Variants in AK5 observed in about 807,000 individuals in gnomAD.
The protein encoded by AK5 is adenylate kinase isoenzyme 5.
Under a neutral mutation model 69.5 loss-of-function variants are expected in AK5, and 27 were observed. The ratio of observed to expected loss-of-function variants is 0.39; its 90% confidence interval spans 0.29 to 0.54. The LOEUF (loss-of-function observed/expected upper bound fraction) is 0.54. AK5 is among the 20% of genes least tolerant of loss of function. The pLI is 0.71. For synonymous variants in AK5, 260 were observed against 244.4 expected, an observed-to-expected ratio of 1.06 and a Z score of -0.60; for missense variants, 531 against 700.4, an observed-to-expected ratio of 0.76 and a Z score of 2.73.
chr1:77,476,551 A>G (rs1402423172), intron 8 of AK5, among the ~76,000 whole-genome samples: 1 of 152,160 alleles, frequency 6.6e-6, no homozygotes, highest in Admixed American at 6.5e-5. Flanking sequence ...CTTCGTTTCT[A>G]TTCATATGAC....
chr1:77,551,453 A>G (rs775786710), intron 13 of AK5, among the ~76,000 whole-genome samples: 25 of 152,212 alleles, frequency 1.6e-4, no homozygotes, highest in Admixed American at 2.0e-4. Context: ...GCACTACAGT[A>G]CATGACTCTG....
intron 8 of AK5, among the ~76,000 whole-genome samples, chr1:77,452,772 CA>C (rs1653236060): frequency 6.6e-6 from 1 of 152,164 alleles, no homozygotes; most frequent in African/African-American, 2.4e-5. Context: ...CTTCTAGAAA[CA>C]ACAATATTAT....
chr1:77,467,509 T>C (rs2100688430), intron 8 of AK5, among the ~76,000 whole-genome samples: 1 of 152,356 alleles, frequency 6.6e-6, no homozygotes, highest in South Asian at 2.1e-4. Context: ...AAAAACTGTT[T>C]TGAGCATAAA....
chr1:77,350,354 C>T (rs1375254371), intron 6 of AK5, among the ~76,000 whole-genome samples: 2 of 152,116 alleles, frequency 1.3e-5, no homozygotes, highest in Non-Finnish European at 2.9e-5. Flanking sequence ...TAAGCAGACA[C>T]GTGTAGAACA....
intron 6 of AK5, among the ~76,000 whole-genome samples, chr1:77,374,520 A>G (rs1367938500): frequency 2.0e-5 from 3 of 149,174 alleles, no homozygotes; most frequent in Non-Finnish European, 4.4e-5. Context: ...CTCTTCTTCT[A>G]TAAGTACGAC....
At position 77,541,658 on chromosome 1, in the gene AK5, C is replaced by T. The variant is rs374210535; in HGVS notation, c.1620+5620C>T. 3.3e-5 allele frequency among the ~76,000 whole-genome samples: 5 copies of T among 152,284 alleles called. No homozygotes were observed. In the South Asian group the frequency reaches 1.0e-3, roughly 32 times the overall value. On this transcript the variant is annotated intron_variant, in intron 13 of 13. Coordinates refer to ENST00000354567, the MANE Select transcript of AK5 (RefSeq NM_174858.3). ...AGACTCAAGGCTGAGGCACAGCAGGCCCTAGAAGGCGTGTGGGATCAGGCC... is the reference window on the plus strand; with the variant it reads ...AGACTCAAGGCTGAGGCACAGCAGGTCCTAGAAGGCGTGTGGGATCAGGCC...
chr1:77,414,291 C>A (rs557144919), intron 7 of AK5, among the ~76,000 whole-genome samples: 2 of 152,230 alleles, frequency 1.3e-5, no homozygotes, highest in East Asian at 3.9e-4. Context: ...AGGGACAGGA[C>A]AAGGGAGAAA....
chr1:77,490,898 C>A (rs1392606749), intron 10 of AK5, among the ~76,000 whole-genome samples: 1 of 151,082 alleles, frequency 6.6e-6, no homozygotes, highest in African/African-American at 2.4e-5. Flanking sequence ...GTGACATAAT[C>A]TAAATTCCTA....
chr1:77,297,633 G>A lies in AK5; in HGVS notation c.490G>A (p.Gly164Arg). 1 of 1,613,880 alleles carries A rather than the reference G, an allele frequency of 6.2e-7. No homozygotes were observed. Among genetic ancestry groups the A allele is most frequent in the Non-Finnish European group, 8.5e-7 (1 of 1,179,914 alleles). Residue 164 changes from glycine (G) to arginine (R), a missense_variant, in exon 4 of 14, where the codon GGA (glycine) becomes AGA (arginine). Transcript: ENST00000354567. ...ATATGGATTCCAATACATTTCTGTG[G>A]GAGAATTATTAAGAAAGAAGATCCA... ...ERYGFQYISVGELLRKKIHST... is the reference protein window; with the variant it reads ...ERYGFQYISVRELLRKKIHST...
In AK5 at chr1:77,531,615, G is replaced by A. The variant is rs562452292; in HGVS notation, c.1429-4232G>A. ...GTTTACAAACCTTGAGCTAGATACA[G>A]AGTGCCGATTGGTGTATTTACAATC... On this transcript the variant is annotated intron_variant, in intron 12 of 13. Coordinates refer to ENST00000354567, the MANE Select transcript of AK5 (RefSeq NM_174858.3). 7.2e-5 allele frequency among the ~76,000 whole-genome samples: 11 copies of A among 152,296 alleles called. No individual in the cohort carries two copies. In the South Asian group the frequency reaches 2.3e-3, roughly 32 times the overall value.
At chr1:77,362,092 A>G (rs1406054568) in intron 6 of AK5, among the ~76,000 whole-genome samples, 1 of 152,198 alleles carries the variant, frequency 6.6e-6, no homozygotes, top group Admixed American at 6.5e-5. Context: ...GAATACACAT[A>G]TGGTGCTTAG....
chr1:77,391,303 C>T (rs1397015080), intron 6 of AK5, among the ~76,000 whole-genome samples: 1 of 151,232 alleles, frequency 6.6e-6, no homozygotes, highest in Non-Finnish European at 1.5e-5. Flanking sequence ...TAGCTCTTAG[C>T]TGCCAACACT....
chr1:77,520,787 T>C (rs1657936904), intron 11 of AK5, among the ~76,000 whole-genome samples: 1 of 152,280 alleles, frequency 6.6e-6, no homozygotes, highest in Admixed American at 6.5e-5. Flanking sequence ...ATCTATGGTC[T>C]GTCTTCTTCA....
intron 12 of AK5, among the ~76,000 whole-genome samples, 162 bp from the exon 13 acceptor site, chr1:77,535,685 G>A (rs779084158): frequency 6.6e-6 from 1 of 152,138 alleles, no homozygotes; most frequent in Non-Finnish European, 1.5e-5. Flanking sequence ...TGACCTGGAA[G>A]GGGGGAGCTA....
At chr1:77,344,276 G>T (rs1236427670) in intron 6 of AK5, among the ~76,000 whole-genome samples, 1 of 152,152 alleles carries the variant, frequency 6.6e-6, no homozygotes, top group Non-Finnish European at 1.5e-5. Context: ...ATGTCCATAT[G>T]CAGTCATGTG....
intron 6 of AK5, among the ~76,000 whole-genome samples, chr1:77,378,541 A>C (rs1250118992): frequency 1.3e-5 from 2 of 152,198 alleles, no homozygotes; most frequent in Non-Finnish European, 2.9e-5. Flanking sequence ...GGCTGGTCTC[A>C]AATTCCTGAC....
At chr1:77,499,015 C>G (rs944016075) in intron 10 of AK5, among the ~76,000 whole-genome samples, 8 of 152,188 alleles carry the variant, frequency 5.3e-5, no homozygotes, top group African/African-American at 1.7e-4. Flanking sequence ...GCCATTTCCT[C>G]TAGCTGACAC....
At chr1:77,507,548 A>G (rs1171881675) in intron 10 of AK5, among the ~76,000 whole-genome samples, 1 of 152,230 alleles carries the variant, frequency 6.6e-6, no homozygotes, top group African/African-American at 2.4e-5. Context: ...CTGGTGTGAA[A>G]TAGGCCACAG....
intron 5 of AK5, among the ~76,000 whole-genome samples, chr1:77,323,435 C>T (rs1487585933): frequency 6.6e-6 from 1 of 152,134 alleles, no homozygotes; most frequent in Non-Finnish European, 1.5e-5. Context: ...GGAGAAACAT[C>T]TCCTTAAAAG....
Sources: allele counts gnomAD v4.1 joint callset (sites outside exome capture counted in the v4.1 genomes callset), GRCh38; gene constraint gnomAD v4.1.1; transcripts MANE v1.5; gene names NCBI Gene and HGNC (gene_info 2026-07-23, HGNC 2026-07-21).